CADPS: variants seen among roughly 807,000 people sequenced by gnomAD.
The protein encoded by CADPS is calcium dependent secretion activator.
A neutral mutation model predicts 167.3 loss-of-function variants in CADPS; 57 were observed. The observed-to-expected ratio is 0.34, with a 90% CI of 0.28 to 0.42. CADPS has a LOEUF of 0.42. CADPS is among the 20% of genes least tolerant of loss of function. CADPS has a pLI of 1.00. For synonymous variants in CADPS, 676 were observed against 635.3 expected (o/e 1.06, Z -0.96); for missense variants, 1,414 against 1,738.1 (o/e 0.81, Z 3.32).
At chr3:62,823,848 G>A (rs749311072) in intron 1 of CADPS, among the ~76,000 whole-genome samples, 22 of 152,146 alleles carry the variant, frequency 1.4e-4, no homozygotes, top group Non-Finnish European at 5.9e-5. Flanking sequence ...TAAACTGACT[G>A]GGGATCAGAA....
rs1179943976 is a variant in CADPS, at chr3:62,481,748, A to C, written c.3148T>G (p.Trp1050Gly). The change falls in exon 22 of 30, where the codon TGG becomes GGG. Residue 1050 changes from tryptophan (W) to glycine (G), a missense_variant. By Grantham distance (184) the Trp-to-Gly change is radical. This residue lies in a region of CADPS where 529 missense variants were observed against 629.6 expected (regional missense o/e 0.84). Coordinates refer to ENST00000383710, the MANE Select transcript of CADPS (RefSeq NM_003716.4). ...TCCGCATCATATATAGCAGCCATCC[A>C]TGACGGTGCCGAAAAAGTAGGCATT... is the stretch of plus-strand genomic sequence containing the variant. Reference protein sequence around the residue: ...PQMPTFSAPSWMAAIYDADNG... With the variant: ...PQMPTFSAPSGMAAIYDADNG... The C allele has an allele frequency of 6.2e-7, 1 of 1,608,594 alleles. No individual in the cohort carries two copies. The highest frequency in any genetic ancestry group is 1.3e-5 in the African/African-American group (1 of 74,840).
chr3:62,634,609 T>C (rs76106606), intron 6 of CADPS, among the ~76,000 whole-genome samples: 151 of 152,326 alleles, frequency 9.9e-4, no homozygotes, highest in African/African-American at 3.4e-3. Context: ...TCACTGAGCA[T>C]GCGCAAGTCC....
chr3:62,703,832 G>A (rs932412195), intron 3 of CADPS, among the ~76,000 whole-genome samples: 1 of 152,104 alleles, frequency 6.6e-6, no homozygotes, highest in Non-Finnish European at 1.5e-5. Context: ...GATCCCCAAT[G>A]CAGCAGTCGG....
chr3:62,739,529 G>A (rs1028969410), intron 3 of CADPS, among the ~76,000 whole-genome samples: 3 of 152,162 alleles, frequency 2.0e-5, no homozygotes, highest in East Asian at 1.9e-4. Context: ...GGGCTTTGCC[G>A]CTTTCTAATG....
At chr3:62,690,984 A>T (rs1378656910) in intron 3 of CADPS, among the ~76,000 whole-genome samples, 3 of 152,104 alleles carry the variant, frequency 2.0e-5, no homozygotes, top group African/African-American at 7.2e-5. Flanking sequence ...ATAGAATATT[A>T]TTCAGCATGA....
chr3:62,688,778 C>G (rs915240316), intron 3 of CADPS, among the ~76,000 whole-genome samples: 2 of 152,004 alleles, frequency 1.3e-5, no homozygotes, highest in African/African-American at 4.8e-5. Flanking sequence ...CTCAGTGTCA[C>G]CTTGCTCTCC....
chr3:62,479,783 T>C (rs894401073), intron 22 of CADPS, among the ~76,000 whole-genome samples: 1 of 152,234 alleles, frequency 6.6e-6, no homozygotes, highest in African/African-American at 2.4e-5. Flanking sequence ...TCCTGGTGGG[T>C]GATTGAGAAT....
chr3:62,689,669 G>A (rs1254712742), intron 3 of CADPS, among the ~76,000 whole-genome samples: 2 of 152,180 alleles, frequency 1.3e-5, no homozygotes, highest in East Asian at 1.9e-4. Flanking sequence ...TGACATTATA[G>A]AATTTCTTCC....
In CADPS at chr3:62,761,097, A is replaced by G. The variant is rs2085292866; in HGVS notation, c.555+4774T>C. ...TTATCCCAATTATTAAGTGTCTGTT[A>G]TATCTTACTATCTGGCTTCCTGAAG... On this transcript the variant is annotated intron_variant, in intron 2 of 29. Coordinates refer to ENST00000383710, the MANE Select transcript of CADPS (RefSeq NM_003716.4). 1.3e-5 allele frequency among the ~76,000 whole-genome samples: 2 copies of G among 152,158 alleles called. 1 individual carries two copies. The highest frequency in any genetic ancestry group is 1.3e-4 in the Admixed American group (2 of 15,268).
At chr3:62,687,734 A>ATTTTTTTTTTTTTTTTTTT (rs201429638) in intron 3 of CADPS, among the ~76,000 whole-genome samples, 1 of 128,336 alleles carries the variant, frequency 7.8e-6, no homozygotes, top group Non-Finnish European at 1.6e-5. Context: ...TTCCCTTCGC[A>ATTTTTTTTTTTTTTTTTTT]TTTTTTTTTT....
At chr3:62,639,480 C>T (rs760304178) in intron 6 of CADPS, among the ~76,000 whole-genome samples, 24 of 152,068 alleles carry the variant, frequency 1.6e-4, no homozygotes, top group Admixed American at 4.6e-4. Flanking sequence ...GAATATAGAC[C>T]ATGCTCAGGC....
chr3:62,627,543 A>G (rs1377240885), intron 6 of CADPS, among the ~76,000 whole-genome samples: 1 of 152,188 alleles, frequency 6.6e-6, no homozygotes, highest in Non-Finnish European at 1.5e-5. Flanking sequence ...GTAAGTATAG[A>G]AATAACTACA....
intron 4 of CADPS, among the ~76,000 whole-genome samples, chr3:62,656,380 A>G (rs1444070892): frequency 6.6e-6 from 1 of 152,190 alleles, no homozygotes; most frequent in Non-Finnish European, 1.5e-5. Flanking sequence ...ACTGATGCAC[A>G]TGCTTCTATT....
At chr3:62,523,072 G>A (rs755453455) in intron 13 of CADPS, among the ~76,000 whole-genome samples, 1 of 152,050 alleles carries the variant, frequency 6.6e-6, no homozygotes, top group Non-Finnish European at 1.5e-5. Context: ...ATGTCATGTC[G>A]GCTGCTCTTC....
intron 3 of CADPS, among the ~76,000 whole-genome samples, chr3:62,704,367 G>A (rs1414718201): frequency 6.6e-6 from 1 of 152,064 alleles, no homozygotes; most frequent in East Asian, 1.9e-4. Context: ...GCTGTGAGAT[G>A]CTTGTCTGTG....
chr3:62,515,941 C>T (rs2068866606), intron 16 of CADPS, 118 bp downstream of exon 16: 5 of 1,235,988 alleles, frequency 4.0e-6, no homozygotes, highest in African/African-American at 1.5e-5. Context: ...TTCCAGGTTT[C>T]AGCTTAATAT....
intron 28 of CADPS, 190 bp from the exon 29 acceptor site, chr3:62,403,375 A>G: frequency 2.1e-6 from 1 of 483,826 alleles, no homozygotes; most frequent in South Asian, 3.2e-5. Context: ...TGGGTACTGG[A>G]CCAATCCAAG....
chr3:62,801,663 T>A (rs951382770), intron 1 of CADPS, among the ~76,000 whole-genome samples: 2 of 152,190 alleles, frequency 1.3e-5, no homozygotes, highest in African/African-American at 4.8e-5. Context: ...TACCACTTAT[T>A]TAACGCCAAT....
chr3:62,724,018 T>G (rs2076296691), intron 3 of CADPS, among the ~76,000 whole-genome samples: 1 of 152,226 alleles, frequency 6.6e-6, no homozygotes, highest in African/African-American at 2.4e-5. Context: ...GCTGCACTTG[T>G]GGCTTGCTGG....
Sources: gnomAD v4.1 joint callset for allele counts (sites outside exome capture counted in the v4.1 genomes callset) on GRCh38, gnomAD v4.1.1 for gene constraint, gnomAD v4.1.1 regional missense constraint, MANE v1.5 for transcripts, NCBI Gene and HGNC (gene_info 2026-07-23, HGNC 2026-07-21) for gene names.